ZNF423: variants seen among roughly 807,000 people sequenced by gnomAD.
ZNF423 encodes Ebf-associated zinc finger protein.
In ZNF423, 12 loss-of-function variants were observed where a neutral mutation model predicts 95.8. That is an observed-to-expected ratio of 0.13 (90% CI 0.08 to 0.20). The LOEUF (loss-of-function observed/expected upper bound fraction) is 0.20, where lower values mean the gene tolerates loss of function less well. Ranked by LOEUF, ZNF423 falls within the 10% of genes least tolerant of loss-of-function variation. The probability of loss-of-function intolerance (pLI) is 1.00; values close to 1 mark genes in which losing one functional copy is unlikely to be tolerated. For missense variants in ZNF423, 1,316 were observed against 1,737.1 expected (o/e 0.76, Z 4.31); for synonymous variants, 749 against 711.9 (o/e 1.05, Z -0.83).
chr16:49,608,870 G>A lies in ZNF423; in HGVS notation c.3601+17300C>T, dbSNP rs1052577106. Among the ~76,000 whole-genome samples the A allele has an allele frequency of 1.4e-4, 21 of 152,082 alleles. 1 individual carries two copies. In the East Asian group the frequency reaches 2.5e-3, roughly 18 times the overall value. ...GGCTGAATGGAGATCTGAGACTGCCGTGCTGGCAAGGCTTATATAATGAGG... is the reference window on the plus strand; with the variant it reads ...GGCTGAATGGAGATCTGAGACTGCCATGCTGGCAAGGCTTATATAATGAGG... On this transcript the variant is annotated intron_variant, in intron 5 of 7. Coordinates refer to ENST00000563137, the MANE Select transcript of ZNF423 (RefSeq NM_001379286.1).
chr16:49,522,560 T>C (rs1968444562), intron 7 of ZNF423, among the ~76,000 whole-genome samples: 1 of 152,126 alleles, frequency 6.6e-6, no homozygotes, highest in Admixed American at 6.5e-5. Flanking sequence ...CAGCCTAACC[T>C]ACCCATATCC....
chr16:49,631,019 G>A (rs1055472348), intron 4 of ZNF423, among the ~76,000 whole-genome samples: 3 of 152,016 alleles, frequency 2.0e-5, no homozygotes, highest in East Asian at 1.9e-4. Context: ...AGACACACCC[G>A]CAACCCCTAC....
At chr16:49,819,601 A>C (rs569212072) in intron 1 of ZNF423, among the ~76,000 whole-genome samples, 1 of 152,010 alleles carries the variant, frequency 6.6e-6, no homozygotes, top group East Asian at 2.0e-4. Flanking sequence ...GGCACCCACC[A>C]CTTTGCCTGG....
chr16:49,757,265 G>A (rs549089379), intron 2 of ZNF423, among the ~76,000 whole-genome samples: 1 of 152,260 alleles, frequency 6.6e-6, no homozygotes, highest in South Asian at 2.1e-4. Context: ...AGATTCCATA[G>A]GTTCGTGATG....
chr16:49,689,999 C>T (rs1239324028), intron 3 of ZNF423, among the ~76,000 whole-genome samples: 1 of 152,146 alleles, frequency 6.6e-6, no homozygotes, highest in Non-Finnish European at 1.5e-5. Context: ...CCTGCCATCC[C>T]CAGGAAAGGC....
At chr16:49,519,655 A>G (rs149641756) in intron 7 of ZNF423, among the ~76,000 whole-genome samples, 173 of 152,322 alleles carry the variant, frequency 1.1e-3, no homozygotes, top group African/African-American at 4.0e-3. Flanking sequence ...GTGATTTGCA[A>G]ATATTTTCTC....
At chr16:49,725,257 T>A (rs1567312969) in intron 3 of ZNF423, among the ~76,000 whole-genome samples, 2 of 152,118 alleles carry the variant, frequency 1.3e-5, no homozygotes. Context: ...TGGTGGGGCA[T>A]GCCTGTGGTC....
intron 6 of ZNF423, 120 bp downstream of exon 6, chr16:49,525,243 C>G: frequency 1.4e-6 from 2 of 1,452,400 alleles, no homozygotes; most frequent in South Asian, 1.3e-5. Flanking sequence ...CCAACGGAGT[C>G]CTGGTCTATA....
chr16:49,740,638 G>C (rs1452885737), intron 2 of ZNF423, among the ~76,000 whole-genome samples: 1 of 152,192 alleles, frequency 6.6e-6, no homozygotes, highest in Non-Finnish European at 1.5e-5. Flanking sequence ...GGCTGTCTGG[G>C]GAGACCCCGG....
intron 3 of ZNF423, among the ~76,000 whole-genome samples, chr16:49,650,674 T>C (rs1973368170): frequency 6.6e-6 from 1 of 152,196 alleles, no homozygotes; most frequent in African/African-American, 2.4e-5. Context: ...ATTCAGTTAG[T>C]GAATCCCTCT....
At chr16:49,717,634 T>C (rs2032746617) in intron 3 of ZNF423, among the ~76,000 whole-genome samples, 1 of 152,326 alleles carries the variant, frequency 6.6e-6, no homozygotes, top group African/African-American at 2.4e-5. Context: ...CACCTGAAGA[T>C]AGTCCTACAC....
Position 49,855,118 on chromosome 16 carries a change from G to C in ZNF423, c.40+617C>G. 2 of 905,852 alleles carry C rather than the reference G, an allele frequency of 2.2e-6. No homozygotes were observed. The highest frequency in any genetic ancestry group is 5.1e-5 in the South Asian group (1 of 19,598). 56.1% of individuals were successfully genotyped at this position (905,852 alleles called of 1,614,324 possible). A position where few individuals can be genotyped will look rare whatever the true frequency, so the allele number is the denominator to read the frequency against. ...GGCAGGAAGTGCAGGGGCCCGGGCCGGGAGAAGGCCTGGGCAGGGGCGGGA... is the reference window on the plus strand; with the variant it reads ...GGCAGGAAGTGCAGGGGCCCGGGCCCGGAGAAGGCCTGGGCAGGGGCGGGA... On this transcript the variant is annotated intron_variant, in intron 1 of 7. Transcript: ENST00000563137. This position sits in a 1 kb window ranked among gnomAD's most constrained non-coding sequence, Gnocchi z 4.7.
At chr16:49,669,067 T>C (rs553764820) in intron 3 of ZNF423, among the ~76,000 whole-genome samples, 3 of 152,204 alleles carry the variant, frequency 2.0e-5, no homozygotes, top group Non-Finnish European at 2.9e-5. Flanking sequence ...CGGCAGCTCA[T>C]GTCTGTAATC....
intron 1 of ZNF423, chr16:49,853,684 C>A (rs917913254): frequency 5.1e-6 from 5 of 985,242 alleles, no homozygotes; most frequent in Admixed American, 6.1e-5. Context: ...CACTAAAAAT[C>A]ATTTCAAGGC....
chr16:49,671,916 A>G (rs2030830506), intron 3 of ZNF423, among the ~76,000 whole-genome samples: 1 of 152,022 alleles, frequency 6.6e-6, no homozygotes, highest in Admixed American at 6.6e-5. Context: ...AACTCCTGAG[A>G]TCAGGCAATC....
intron 1 of ZNF423, among the ~76,000 whole-genome samples, chr16:49,811,593 G>A (rs924068203): frequency 6.6e-6 from 1 of 152,116 alleles, no homozygotes; most frequent in African/African-American, 2.4e-5. Context: ...GCAGGCTGCC[G>A]ACCCCCTGGT....
intron 3 of ZNF423, among the ~76,000 whole-genome samples, chr16:49,662,006 A>T (rs1257455277): frequency 1.3e-5 from 2 of 152,220 alleles, no homozygotes; most frequent in Non-Finnish European, 2.9e-5. Flanking sequence ...CTCAATGAAC[A>T]GATCATTGTG....
At chr16:49,825,783 C>T (rs1315460848) in intron 1 of ZNF423, among the ~76,000 whole-genome samples, 1 of 152,282 alleles carries the variant, frequency 6.6e-6, no homozygotes, top group Admixed American at 6.5e-5. Flanking sequence ...CGTGAATGAA[C>T]GAAGTGGTCA....
intron 1 of ZNF423, among the ~76,000 whole-genome samples, chr16:49,800,191 CAG>C (rs1256323086): frequency 2.0e-5 from 3 of 151,210 alleles, no homozygotes; most frequent in African/African-American, 7.3e-5. Flanking sequence ...TTGCAGTGAG[CAG>C]AGATTGTGCC....
Sources: gnomAD v4.1 joint callset for allele counts (sites outside exome capture counted in the v4.1 genomes callset) on GRCh38, gnomAD v4.1.1 for gene constraint, Gnocchi (gnomAD v3.1) non-coding constraint, MANE v1.5 for transcripts, NCBI Gene and HGNC (gene_info 2026-07-23, HGNC 2026-07-21) for gene names.